PRKG1: variants seen among roughly 807,000 people sequenced by gnomAD.
PRKG1 encodes protein kinase cGMP-dependent 1, also known as cGMP-dependent protein kinase 1.
A neutral mutation model predicts 88.1 loss-of-function variants in PRKG1; 35 were observed. The observed-to-expected ratio is 0.40, with a 90% CI of 0.30 to 0.53. The LOEUF is 0.53. Among genes scored for constraint, PRKG1 ranks in the 20% least tolerant of loss-of-function variants. PRKG1 has a pLI of 0.59. For synonymous variants in PRKG1, 303 were observed against 292.5 expected, an observed-to-expected ratio of 1.04 and a Z score of -0.37; for missense variants, 540 against 839.8, an observed-to-expected ratio of 0.64 and a Z score of 4.41.
intron 2 of PRKG1, among the ~76,000 whole-genome samples, chr10:51,400,040 TC>T (rs1837693436): frequency 6.6e-6 from 1 of 152,212 alleles, no homozygotes; most frequent in African/African-American, 2.4e-5. Flanking sequence ...ACGTTCAGTT[TC>T]TGTTTAATTA....
intron 1 of PRKG1, among the ~76,000 whole-genome samples, chr10:51,150,278 A>G (rs1846038336): frequency 6.6e-6 from 1 of 152,130 alleles, no homozygotes; most frequent in South Asian, 2.1e-4. Context: ...TATATGCATT[A>G]TATCTTAGTT....
chr10:51,195,946 G>A (rs1837753102), intron 2 of PRKG1, among the ~76,000 whole-genome samples: 1 of 152,144 alleles, frequency 6.6e-6, no homozygotes. Flanking sequence ...AGTCTGGGTT[G>A]GGTAGAACAC....
chr10:51,000,887 C>G (rs1164236025), intron 1 of PRKG1, among the ~76,000 whole-genome samples: 1 of 152,062 alleles, frequency 6.6e-6, no homozygotes, highest in Non-Finnish European at 1.5e-5. Flanking sequence ...TGTTTTTGCT[C>G]CCCACTGCCC....
chr10:51,469,246 T>TA (rs978238491), intron 3 of PRKG1, among the ~76,000 whole-genome samples: 1 of 151,854 alleles, frequency 6.6e-6, no homozygotes, highest in Non-Finnish European at 1.5e-5. Context: ...CCTTTTAAGA[T>TA]AAAAAAGACC....
intron 3 of PRKG1, among the ~76,000 whole-genome samples, chr10:51,709,986 T>C (rs979017269): frequency 2.8e-4 from 42 of 152,232 alleles, no homozygotes; most frequent in African/African-American, 9.9e-4. Context: ...TGTTGAATTT[T>C]ATATATATCA....
intron 2 of PRKG1, among the ~76,000 whole-genome samples, chr10:51,433,877 G>T (rs1405053270): frequency 6.6e-6 from 1 of 152,012 alleles, no homozygotes; most frequent in Admixed American, 6.6e-5. Context: ...TCTCTATATT[G>T]CTTTATCATT....
intron 3 of PRKG1, among the ~76,000 whole-genome samples, chr10:51,586,240 T>C (rs1343454840): frequency 1.3e-5 from 2 of 152,162 alleles, no homozygotes; most frequent in South Asian, 4.1e-4. Flanking sequence ...TGTTCAGCTA[T>C]AGGGAGCCAC....
Position 52,052,752 on chromosome 10 carries a change from C to G in PRKG1, c.763-1732C>G, listed in dbSNP as rs146681519. Among the ~76,000 whole-genome samples the G allele has an allele frequency of 4.0e-4, 61 of 152,166 alleles. No individual in the cohort carries two copies. In the East Asian group the frequency reaches 0.011, roughly 28 times the overall value. On this transcript the variant is annotated intron_variant, in intron 5 of 17. Coordinates refer to ENST00000373980, the MANE Select transcript of PRKG1 (RefSeq NM_006258.4). The stretch of plus-strand genomic sequence containing the variant: ...CAAGAACAGTATGGAAGAAACGGCT[C>G]TCATGATTCAATTATCTCCCACCAG...
chr10:51,567,513 G>A (rs1384944786), intron 3 of PRKG1, among the ~76,000 whole-genome samples: 3 of 152,080 alleles, frequency 2.0e-5, no homozygotes, highest in Non-Finnish European at 2.9e-5. Flanking sequence ...TCCTTCTACA[G>A]GAGAATGTAA....
chr10:51,276,859 T>C (rs1347010936), intron 2 of PRKG1, among the ~76,000 whole-genome samples: 1 of 152,234 alleles, frequency 6.6e-6, no homozygotes, highest in African/African-American at 2.4e-5. Context: ...TTCTGGATAT[T>C]AGCCCTTTGT....
intron 7 of PRKG1, among the ~76,000 whole-genome samples, chr10:52,131,708 G>A (rs1042140089): frequency 4.0e-5 from 6 of 150,702 alleles, no homozygotes; most frequent in Admixed American, 6.6e-5. Flanking sequence ...TTAGCCAGGC[G>A]TGGTGGTGGA....
intron 5 of PRKG1, among the ~76,000 whole-genome samples, chr10:52,025,947 A>G (rs1300911357): frequency 2.6e-5 from 4 of 151,944 alleles, no homozygotes; most frequent in Non-Finnish European, 2.9e-5. Context: ...CCAAAACAGC[A>G]TGATACTGGT....
chr10:51,755,902 T>C (rs1188229095), intron 3 of PRKG1, among the ~76,000 whole-genome samples: 1 of 152,234 alleles, frequency 6.6e-6, no homozygotes, highest in Non-Finnish European at 1.5e-5. Context: ...GAAATTCTTA[T>C]GACATAAGAA....
At chr10:52,097,910 A>G (rs959830896) in intron 7 of PRKG1, among the ~76,000 whole-genome samples, 2 of 152,096 alleles carry the variant, frequency 1.3e-5, no homozygotes, top group African/African-American at 4.8e-5. Context: ...GGGAACAAAA[A>G]TGGAGATTGT....
chr10:51,623,215 T>A (rs1839252634), intron 3 of PRKG1, among the ~76,000 whole-genome samples: 2 of 152,354 alleles, frequency 1.3e-5, no homozygotes, highest in South Asian at 4.1e-4. Context: ...ATTTTTCATT[T>A]TTTGAGACAG....
intron 3 of PRKG1, among the ~76,000 whole-genome samples, chr10:51,472,001 A>G (rs1325557283): frequency 6.6e-6 from 1 of 151,966 alleles, no homozygotes; most frequent in Non-Finnish European, 1.5e-5. Flanking sequence ...TTATTAAAAT[A>G]CTTCATTATT....
intron 2 of PRKG1, among the ~76,000 whole-genome samples, chr10:51,225,127 G>T (rs547783643): frequency 6.6e-6 from 1 of 152,328 alleles, no homozygotes; most frequent in South Asian, 2.1e-4. Context: ...ATTTTTCACA[G>T]TTCTGGAGTT....
intron 5 of PRKG1, among the ~76,000 whole-genome samples, chr10:52,002,406 G>T (rs1389431324): frequency 6.6e-6 from 1 of 152,032 alleles, no homozygotes; most frequent in Non-Finnish European, 1.5e-5. Flanking sequence ...ACTATTTTGT[G>T]ATGGTTTGTC....
At chr10:51,858,589 A>C (rs767144270) in intron 4 of PRKG1, among the ~76,000 whole-genome samples, 1 of 149,184 alleles carries the variant, frequency 6.7e-6, no homozygotes. Context: ...AACATTTTGC[A>C]CCTATAGTGT....
Sources: gnomAD v4.1 joint callset for allele counts (sites outside exome capture counted in the v4.1 genomes callset) on GRCh38, gnomAD v4.1.1 for gene constraint, MANE v1.5 for transcripts, NCBI Gene and HGNC (gene_info 2026-07-23, HGNC 2026-07-21) for gene names.